The following YAF2 variants were observed in gnomAD, a reference collection of about 807,000 sequenced individuals.
The protein encoded by YAF2 is YY1 associated factor 2.
A neutral mutation model predicts 20.1 loss-of-function variants in YAF2; 7 were observed. The ratio of observed to expected loss-of-function variants is 0.35; its 90% CI spans 0.20 to 0.65. YAF2 has a LOEUF of 0.65. Ranked by LOEUF, YAF2 falls within the 30% of genes least tolerant of loss-of-function variation. The probability of loss-of-function intolerance (pLI) is 0.69; values close to 1 mark genes in which losing one functional copy is unlikely to be tolerated. For missense variants in YAF2, 151 were observed against 219.2 expected (o/e 0.69, Z 1.96); for synonymous variants, 74 against 76.0 (o/e 0.97, Z 0.14).
intron 2 of YAF2, among the ~76,000 whole-genome samples, chr12:42,186,209 A>C (rs2066470130): frequency 6.6e-6 from 1 of 150,408 alleles, no homozygotes; most frequent in Non-Finnish European, 1.5e-5. Context: ...AAAAAAAAAA[A>C]AAGGCTGGGC....
intron 2 of YAF2, among the ~76,000 whole-genome samples, chr12:42,224,264 T>C (rs2067614595): frequency 1.3e-5 from 2 of 152,204 alleles, no homozygotes; most frequent in African/African-American, 4.8e-5. Flanking sequence ...TGCATATGTT[T>C]CCCAGTAAGC....
chr12:42,194,893 A>T (rs74081009), intron 2 of YAF2, among the ~76,000 whole-genome samples: 3,667 of 152,324 alleles, frequency 0.024, 148 homozygotes, highest in African/African-American at 0.084. Context: ...GTAACTCTCT[A>T]ATAGTTCACA....
chr12:42,233,592 A>G (rs893182599), intron 2 of YAF2: 56 of 711,424 alleles, frequency 7.9e-5, no homozygotes, highest in Non-Finnish European at 9.3e-5. Context: ...GCTCACTGCA[A>G]CCTCGAACTC....
intron 1 of YAF2, 52 bp downstream of exon 1, chr12:42,238,103 C>G: frequency 3.5e-6 from 5 of 1,435,538 alleles, no homozygotes; most frequent in Non-Finnish European, 3.7e-6. Context: ...AAGCCCTGCA[C>G]GAGGGCCCTG....
intron 2 of YAF2, among the ~76,000 whole-genome samples, chr12:42,192,509 A>C (rs1166782849): frequency 6.6e-6 from 1 of 152,168 alleles, no homozygotes; most frequent in African/African-American, 2.4e-5. Context: ...ACCCTGTCTC[A>C]AACAAAACAA....
chr12:42,234,150 G>T, intron 2 of YAF2: 1 of 942,622 alleles, frequency 1.1e-6, no homozygotes, highest in Non-Finnish European at 1.3e-6. Flanking sequence ...CAGCCTGGGC[G>T]ACAGAGCAAG....
chr12:42,230,402 G>C (rs1287705898), intron 2 of YAF2, among the ~76,000 whole-genome samples: 3 of 152,148 alleles, frequency 2.0e-5, no homozygotes, highest in African/African-American at 4.8e-5. Flanking sequence ...GTAGTTTAGG[G>C]ATAGATTATT....
intron 2 of YAF2, among the ~76,000 whole-genome samples, chr12:42,217,758 A>G (rs11829542): frequency 0.023 from 3,498 of 152,250 alleles, 128 homozygotes; most frequent in African/African-American, 0.081. Flanking sequence ...CAAATATAAA[A>G]TATCTTCAAT....
At chr12:42,173,074 A>C (rs1294342740) in intron 2 of YAF2, among the ~76,000 whole-genome samples, 2 of 151,664 alleles carry the variant, frequency 1.3e-5, no homozygotes, top group African/African-American at 4.8e-5. Context: ...GAGAGAGAGA[A>C]AGAGAGAGTC....
intron 2 of YAF2, among the ~76,000 whole-genome samples, chr12:42,207,794 G>GGCAGGAGAATGGCATGAAC (rs556675248): frequency 2.6e-5 from 4 of 151,336 alleles, no homozygotes; most frequent in Non-Finnish European, 4.4e-5. Context: ...GGGAGGCTGA[G>GGCAGGAGAATGGCATGAAC]GCAGGAGAAT....
intron 2 of YAF2, chr12:42,210,225 T>C: frequency 2.2e-6 from 1 of 462,178 alleles, no homozygotes; most frequent in Non-Finnish European, 3.9e-6. Context: ...ATTTCCATAA[T>C]CCATATCAAA....
intron 2 of YAF2, among the ~76,000 whole-genome samples, chr12:42,218,229 G>A (rs1016284192): frequency 1.1e-5 from 1 of 90,226 alleles, no homozygotes; most frequent in Non-Finnish European, 2.7e-5. Flanking sequence ...CACACACACA[G>A]ATGATTATCG....
chr12:42,185,422 G>A (rs1424539508), intron 2 of YAF2, among the ~76,000 whole-genome samples: 3 of 152,174 alleles, frequency 2.0e-5, no homozygotes, highest in Non-Finnish European at 4.4e-5. Flanking sequence ...GAAGCAACAG[G>A]GCTTGAGAGG....
At chr12:42,210,785 A>C (rs1463606162) in intron 2 of YAF2, 1 of 1,006,674 alleles carries the variant, frequency 9.9e-7, no homozygotes, top group East Asian at 2.7e-5. Flanking sequence ...ACACGTATCA[A>C]AGTAAATATG....
Position 42,160,530 on chromosome 12 carries a change from A to G in YAF2, c.*59T>C, listed in dbSNP as rs2136942997. 7.6e-7 allele frequency: 1 copy of G among 1,319,632 alleles called. No individual in the cohort carries two copies. Among genetic ancestry groups the G allele is most frequent in the Middle Eastern group, 2.2e-4 (1 of 4,612 alleles). The allele number at this position is 1,319,632 out of a possible 1,614,324, so 81.7% of individuals were successfully genotyped here. ...TCATGAAAATGTGGTACCTCTTGGCATAATCTGTGTATTTGCATGGTAGGA... is the reference window on the plus strand; with the variant it reads ...TCATGAAAATGTGGTACCTCTTGGCGTAATCTGTGTATTTGCATGGTAGGA... On this transcript the variant is annotated 3_prime_UTR_variant, in exon 4 of 4. Transcript: ENST00000534854.
chr12:42,232,923 A>G, intron 2 of YAF2: 1 of 985,416 alleles, frequency 1.0e-6, no homozygotes, highest in Non-Finnish European at 1.2e-6. Flanking sequence ...GCCTACACAT[A>G]AAGGAAAGAT....
At chr12:42,202,971 C>A (rs2066940080) in intron 2 of YAF2, among the ~76,000 whole-genome samples, 1 of 151,976 alleles carries the variant, frequency 6.6e-6, no homozygotes, top group African/African-American at 2.4e-5. Flanking sequence ...ATCTTGACAT[C>A]CAACAGAGCA....
At chr12:42,205,398 C>T (rs1353805904) in intron 2 of YAF2, among the ~76,000 whole-genome samples, 7 of 146,494 alleles carry the variant, frequency 4.8e-5, no homozygotes, top group East Asian at 2.0e-4. Flanking sequence ...TTTTTTGAGA[C>T]GGAGTCTCGC....
intron 2 of YAF2, among the ~76,000 whole-genome samples, chr12:42,191,856 G>T (rs1171281933): frequency 6.6e-6 from 1 of 152,092 alleles, no homozygotes; most frequent in African/African-American, 2.4e-5. Flanking sequence ...GGGAGGCTGA[G>T]GTAGGAGGAT....
Sources: gnomAD v4.1 joint callset for allele counts (sites outside exome capture counted in the v4.1 genomes callset) on GRCh38, gnomAD v4.1.1 for gene constraint, MANE v1.5 for transcripts, NCBI Gene and HGNC (gene_info 2026-07-23, HGNC 2026-07-21) for gene names.